Variants in GATB observed in about 807,000 individuals in gnomAD.
GATB encodes glutamyl-tRNA amidotransferase subunit B, also known as glutamyl-tRNA(Gln) amidotransferase subunit B, mitochondrial.
Under a neutral mutation model 62.3 loss-of-function variants are expected in GATB, and 39 were observed. The ratio of observed to expected loss-of-function variants is 0.63; its 90% CI spans 0.48 to 0.82. The LOEUF (loss-of-function observed/expected upper bound fraction) is 0.82. Among genes scored for constraint, GATB ranks in the 40% least tolerant of loss-of-function variants. The pLI, the probability that GATB is intolerant of heterozygous loss-of-function variation, is 0.00. For missense variants in GATB, 670 were observed against 684.0 expected (o/e 0.98, Z 0.23); for synonymous variants, 276 against 258.9 (o/e 1.07, Z -0.63).
At chr4:151,715,188 C>T (rs1176967827) in intron 5 of GATB, among the ~76,000 whole-genome samples, 2 of 152,190 alleles carry the variant, frequency 1.3e-5, no homozygotes, top group Non-Finnish European at 2.9e-5. Flanking sequence ...TTGTACAGTG[C>T]TATGGAAAAG....
chr4:151,748,664 G>C (rs1304670610), intron 2 of GATB, among the ~76,000 whole-genome samples: 5 of 152,142 alleles, frequency 3.3e-5, no homozygotes, highest in African/African-American at 1.2e-4. Context: ...TGACAAATGG[G>C]ATCTAATTAA....
At chr4:151,695,543 G>T (rs115216383) in intron 9 of GATB, among the ~76,000 whole-genome samples, 1 of 152,092 alleles carries the variant, frequency 6.6e-6, no homozygotes, top group South Asian at 2.1e-4. Context: ...CTCAACTCGG[G>T]ATGCTCTGGC....
chr4:151,760,307 G>A (rs1478434808), intron 1 of GATB, among the ~76,000 whole-genome samples: 2 of 152,172 alleles, frequency 1.3e-5, no homozygotes, highest in African/African-American at 2.4e-5. Flanking sequence ...CGTCCTCCTA[G>A]GTCTAGTCAC....
chr4:151,712,973 T>C (rs1738847902), intron 5 of GATB, among the ~76,000 whole-genome samples: 1 of 152,188 alleles, frequency 6.6e-6, no homozygotes, highest in South Asian at 2.1e-4. Flanking sequence ...AAGCTTCATC[T>C]GTATTTACAG....
intron 9 of GATB, among the ~76,000 whole-genome samples, chr4:151,694,535 C>G (rs1738430965): frequency 6.6e-6 from 1 of 152,110 alleles, no homozygotes. Context: ...GTAAAAGCAC[C>G]CTTAGGCTAG....
intron 9 of GATB, among the ~76,000 whole-genome samples, chr4:151,698,146 C>G (rs1444648925): frequency 6.6e-6 from 1 of 151,596 alleles, no homozygotes; most frequent in Admixed American, 6.6e-5. Flanking sequence ...TTATCAGGAA[C>G]ACTGCTTCTC....
At chr4:151,759,531 A>C (rs1205260057) in intron 1 of GATB, among the ~76,000 whole-genome samples, 1 of 152,170 alleles carries the variant, frequency 6.6e-6, no homozygotes, top group Non-Finnish European at 1.5e-5. Context: ...CCACCACACT[A>C]AACCATCTGA....
Position 151,670,995 on chromosome 4 carries a change from C to G in GATB, c.*179G>C. On this transcript the variant is annotated 3_prime_UTR_variant, in exon 13 of 13. Transcript: ENST00000263985. ...GGCTGCTGGTCGGCTGTGGAGGCAC[C>G]TCCAGGCACAGGGCCTAGAGGGTGA... 1.4e-6 allele frequency: 1 copy of G among 711,918 alleles called. No homozygotes were observed. The highest frequency in any genetic ancestry group is 2.1e-5 in the South Asian group (1 of 48,274). The allele number at this position is 711,918 out of a possible 1,614,324, so 44.1% of individuals were successfully genotyped here. A position where few individuals can be genotyped will look rare whatever the true frequency, so the allele number is the denominator to read the frequency against.
At chr4:151,757,030 G>C (rs1739845656) in intron 2 of GATB, among the ~76,000 whole-genome samples, 1 of 152,082 alleles carries the variant, frequency 6.6e-6, no homozygotes, top group Non-Finnish European at 1.5e-5. Context: ...AAAATGTAGA[G>C]GTGTTATGAC....
Position 151,692,809 on chromosome 4 carries a change from G to T in GATB, c.1198-4046C>A, listed in dbSNP as rs886159508. Among the ~76,000 whole-genome samples, 9 of 152,190 alleles carry T rather than the reference G, an allele frequency of 5.9e-5. No individual in the cohort carries two copies. The East Asian group carries it at 1.7e-3, about 29-fold the overall frequency. ...ATTTCTCATACCAATTGAGCATATT[G>T]TATTTTATTTATTATTGCATTCTAA... On this transcript the variant is annotated intron_variant, in intron 9 of 12. Transcript: ENST00000263985.
intron 11 of GATB, chr4:151,676,425 C>T (rs1390227738): frequency 6.6e-6 from 1 of 152,218 alleles, no homozygotes; most frequent in African/African-American, 2.4e-5. Flanking sequence ...CATCTGTTTC[C>T]AGACGTGCAT....
Position 151,719,510 on chromosome 4 carries a change from G to A in GATB, c.356C>T (p.Ala119Val), listed in dbSNP as rs750321558. ...GTTCAGAGCCAGGCCTGTCATCACC[G>A]CCGCTTCTACACACCTCCTGTTGAG... ...PVLNRRCVEA[A>V]VMTGLALNCH... The change falls in exon 3 of 13, where the codon GCG becomes GTG. Residue 119 changes from alanine (A) to valine (V), a missense_variant. By Grantham distance (64) the Ala-to-Val change is moderately conservative. Transcript: ENST00000263985. The A allele has an allele frequency of 1.1e-5, 18 of 1,609,114 alleles. No individual in the cohort carries two copies. Among genetic ancestry groups the A allele is most frequent in the Admixed American group, 1.0e-4 (6 of 59,452 alleles).
rs143108123 is a variant in GATB, at chr4:151,743,381, T to C, written c.327+15391A>G. On this transcript the variant is annotated intron_variant, in intron 2 of 12. Coordinates refer to ENST00000263985, the MANE Select transcript of GATB (RefSeq NM_004564.3). ...TAGATCTCACACCTAGAGGGCATCA[T>C]AACACATGGTGCATACAACCAGCAT... is the stretch of plus-strand genomic sequence containing the variant. Among the ~76,000 whole-genome samples, 482 of 152,364 alleles carry C rather than the reference T, an allele frequency of 3.2e-3. 5 individuals carry two copies. The highest frequency in any genetic ancestry group is 0.024 in the Admixed American group (367 of 15,304).
rs953011453 is a variant in GATB at position 151,760,931 on chromosome 4, C to A, written c.52G>T (p.Ala18Ser). Residue 18 changes from alanine (A) to serine (S), a missense_variant, in exon 1 of 13, where the codon GCC becomes TCC. Physicochemically the swap from Ala to Ser is moderately conservative, Grantham distance 99. Coordinates refer to ENST00000263985, the MANE Select transcript of GATB (RefSeq NM_004564.3). ...WGCRGRRWAF[A>S]RVDGGSCHRR... ...TGGCAAGAACCACCGTCAACCCGGG[C>A]GAAAGCCCAACGTCTTCCACGGCAG... 1 of 1,613,670 alleles carries A rather than the reference C, an allele frequency of 6.2e-7. No individual in the cohort carries two copies. The highest frequency in any genetic ancestry group is 8.5e-7 in the Non-Finnish European group (1 of 1,179,938).
At chr4:151,759,106 G>A (rs558188371) in intron 1 of GATB, among the ~76,000 whole-genome samples, 184 bp from the exon 2 acceptor site, 3 of 152,222 alleles carry the variant, frequency 2.0e-5, no homozygotes, top group South Asian at 4.1e-4. Flanking sequence ...TAGAATAAGC[G>A]CCTACACTGA....
intron 10 of GATB, among the ~76,000 whole-genome samples, chr4:151,682,901 C>T (rs1389425502): frequency 1.3e-5 from 2 of 152,168 alleles, no homozygotes; most frequent in East Asian, 3.9e-4. Context: ...GCGCCTGTTC[C>T]AGGCAGCCCC....
intron 1 of GATB, among the ~76,000 whole-genome samples, chr4:151,759,581 T>C (rs966041859): frequency 1.3e-5 from 2 of 152,178 alleles, no homozygotes; most frequent in African/African-American, 2.4e-5. Context: ...TTTCAATTCC[T>C]GAGACCTAAT....
chr4:151,720,204 T>A (rs1364831458), intron 2 of GATB: 1 of 152,200 alleles, frequency 6.6e-6, no homozygotes, highest in East Asian at 1.9e-4. Context: ...CAGGAGTGAA[T>A]GACCAAGAAA....
At chr4:151,760,174 CT>C (rs113245284) in intron 1 of GATB, among the ~76,000 whole-genome samples, 1,957 of 152,248 alleles carry the variant, frequency 0.013, 39 homozygotes, top group African/African-American at 0.044. Flanking sequence ...CCATATGTTT[CT>C]GTATTTAAAG....
Sources: allele counts gnomAD v4.1 joint callset (sites outside exome capture counted in the v4.1 genomes callset), GRCh38; gene constraint gnomAD v4.1.1; transcripts MANE v1.5; gene names NCBI Gene and HGNC (gene_info 2026-07-23, HGNC 2026-07-21).